UBE2E2: variants seen among roughly 807,000 people sequenced by gnomAD.
The protein encoded by UBE2E2 is ubiquitin conjugating enzyme E2 E2.
UBE2E2 carries 6 observed loss-of-function variants against 24.7 expected under a neutral mutation model. The ratio of observed to expected loss-of-function variants is 0.24; its 90% CI spans 0.13 to 0.48. The LOEUF (loss-of-function observed/expected upper bound fraction) is 0.48, where lower values mean the gene tolerates loss of function less well. UBE2E2 is among the 20% of genes least tolerant of loss of function. UBE2E2 has a pLI of 0.99. For synonymous variants in UBE2E2, 104 were observed against 83.6 expected, an observed-to-expected ratio of 1.24 and a Z score of -1.33; for missense variants, 169 against 245.0, an observed-to-expected ratio of 0.69 and a Z score of 2.07.
intron 3 of UBE2E2, among the ~76,000 whole-genome samples, chr3:23,394,398 A>C (rs891363294): frequency 2.0e-5 from 3 of 152,210 alleles, no homozygotes; most frequent in Non-Finnish European, 4.4e-5. Flanking sequence ...GTTCACCATG[A>C]GTATGACTTT....
chr3:23,430,841 C>T (rs1698043996), intron 3 of UBE2E2, among the ~76,000 whole-genome samples: 1 of 152,064 alleles, frequency 6.6e-6, no homozygotes, highest in Non-Finnish European at 1.5e-5. Context: ...ATTTTTTAGG[C>T]AATAGTTGAC....
intron 3 of UBE2E2, among the ~76,000 whole-genome samples, chr3:23,373,725 T>C (rs1056546515): frequency 6.6e-6 from 1 of 152,130 alleles, no homozygotes; most frequent in Non-Finnish European, 1.5e-5. Context: ...TCCTGGCTTG[T>C]ACTGGATGTA....
At chr3:23,381,327 AAGTT>A (rs1696665415) in intron 3 of UBE2E2, among the ~76,000 whole-genome samples, 1 of 152,220 alleles carries the variant, frequency 6.6e-6, no homozygotes, top group Non-Finnish European at 1.5e-5. Flanking sequence ...CCTGGCAACA[AAGTT>A]AGAAAAACTA....
chr3:23,464,678 A>C (rs1045434823), intron 3 of UBE2E2, among the ~76,000 whole-genome samples: 3 of 152,190 alleles, frequency 2.0e-5, no homozygotes, highest in African/African-American at 7.2e-5. Flanking sequence ...AATAGTTATG[A>C]GGGCACAGTT....
intron 4 of UBE2E2, among the ~76,000 whole-genome samples, chr3:23,520,958 A>G (rs979894460): frequency 6.6e-6 from 1 of 151,996 alleles, no homozygotes; most frequent in African/African-American, 2.4e-5. Flanking sequence ...TTTTTTTTAT[A>G]TCATGTTTAA....
At chr3:23,524,286 A>G (rs1694938441) in intron 4 of UBE2E2, among the ~76,000 whole-genome samples, 1 of 152,090 alleles carries the variant, frequency 6.6e-6, no homozygotes, top group African/African-American at 2.4e-5. Context: ...CTTTTTATTT[A>G]TATATGGAGT....
At chr3:23,507,536 A>C (rs1195965441) in intron 4 of UBE2E2, among the ~76,000 whole-genome samples, 1 of 152,200 alleles carries the variant, frequency 6.6e-6, no homozygotes, top group East Asian at 1.9e-4. Context: ...CAAAATGTTT[A>C]TTACCCCCAC....
intron 3 of UBE2E2, among the ~76,000 whole-genome samples, chr3:23,439,571 G>A (rs6808488): frequency 0.15 from 22,959 of 152,080 alleles, 1,917 homozygotes; most frequent in South Asian, 0.24. Flanking sequence ...GAGAGAGAAC[G>A]TTGAGAGGTC....
At chr3:23,442,615 T>C (rs1176924423) in intron 3 of UBE2E2, among the ~76,000 whole-genome samples, 2 of 152,362 alleles carry the variant, frequency 1.3e-5, no homozygotes, top group East Asian at 3.9e-4. Context: ...TAAGATCTTA[T>C]AAAAGCCTGT....
chr3:23,350,943 C>T (rs1013100557), intron 3 of UBE2E2, among the ~76,000 whole-genome samples: 2 of 152,036 alleles, frequency 1.3e-5, no homozygotes, highest in African/African-American at 4.8e-5. Flanking sequence ...GTCAGATTCA[C>T]CAAAGTTGAA....
intron 3 of UBE2E2, among the ~76,000 whole-genome samples, chr3:23,299,702 A>T (rs1443673749): frequency 1.3e-5 from 2 of 152,240 alleles, no homozygotes; most frequent in African/African-American, 2.4e-5. Flanking sequence ...CTTTACTTCC[A>T]CCTATGTGGT....
At chr3:23,254,911 T>TC (rs1284131537) in intron 3 of UBE2E2, among the ~76,000 whole-genome samples, 4 of 150,728 alleles carry the variant, frequency 2.7e-5, no homozygotes, top group South Asian at 2.1e-4. Context: ...GCTTTTTTTT[T>TC]CCCCCCTTAT....
At chr3:23,564,487 A>T (rs1312184951) in intron 5 of UBE2E2, among the ~76,000 whole-genome samples, 1 of 152,156 alleles carries the variant, frequency 6.6e-6, no homozygotes, top group African/African-American at 2.4e-5. Context: ...TCTCCAAAAA[A>T]TACTCCAAAT....
chr3:23,466,612 G>T (rs1242195898), intron 3 of UBE2E2, among the ~76,000 whole-genome samples: 1 of 152,044 alleles, frequency 6.6e-6, no homozygotes, highest in Non-Finnish European at 1.5e-5. Flanking sequence ...CTATCGCCCA[G>T]GCTGGAGTGC....
intron 3 of UBE2E2, among the ~76,000 whole-genome samples, chr3:23,265,885 C>A (rs1698034730): frequency 6.6e-6 from 1 of 152,176 alleles, no homozygotes; most frequent in Non-Finnish European, 1.5e-5. Context: ...GAATTGATCC[C>A]TTTACCATTA....
At chr3:23,257,270 C>T (rs1697752869) in intron 3 of UBE2E2, among the ~76,000 whole-genome samples, 1 of 152,098 alleles carries the variant, frequency 6.6e-6, no homozygotes, top group Non-Finnish European at 1.5e-5. Flanking sequence ...TAAGATCTTT[C>T]TTGGTAATCT....
chr3:23,419,621 G>T (rs1028856612), intron 3 of UBE2E2, among the ~76,000 whole-genome samples: 2 of 152,132 alleles, frequency 1.3e-5, no homozygotes, highest in South Asian at 4.1e-4. Context: ...ATTTCCACTT[G>T]CCTGCCGTGC....
intron 3 of UBE2E2, among the ~76,000 whole-genome samples, chr3:23,480,100 C>G (rs1699225321): frequency 1.3e-5 from 2 of 152,194 alleles, no homozygotes; most frequent in African/African-American, 4.8e-5. Flanking sequence ...TCCATGGCAC[C>G]CAGGCTGTCT....
intron 3 of UBE2E2, among the ~76,000 whole-genome samples, chr3:23,459,444 C>T (rs1266363397): frequency 6.6e-6 from 1 of 152,136 alleles, no homozygotes; most frequent in African/African-American, 2.4e-5. Context: ...TTTTTGAGAA[C>T]TTTTAGCTCT....
Sources: gnomAD v4.1 joint callset for allele counts (sites outside exome capture counted in the v4.1 genomes callset) on GRCh38, gnomAD v4.1.1 for gene constraint, MANE v1.5 for transcripts, NCBI Gene and HGNC (gene_info 2026-07-23, HGNC 2026-07-21) for gene names.